Variants in E2F8 observed in about 807,000 individuals in gnomAD.
E2F8 encodes the protein transcription factor E2F8.
A neutral mutation model predicts 80.8 loss-of-function variants in E2F8; 35 were observed. That is an observed-to-expected ratio of 0.43 (90% CI 0.33 to 0.57). The LOEUF (loss-of-function observed/expected upper bound fraction) is 0.57. E2F8 is among the 20% of genes least tolerant of loss of function. E2F8 has a pLI of 0.04. For synonymous variants in E2F8, 386 were observed against 395.0 expected (o/e 0.98, Z 0.27); for missense variants, 975 against 1,056.2 (o/e 0.92, Z 1.07).
chr11:19,231,083 G>GTGTAA (rs1851368684), intron 7 of E2F8, among the ~76,000 whole-genome samples: 1 of 152,156 alleles, frequency 6.6e-6, no homozygotes, highest in Non-Finnish European at 1.5e-5. Context: ...CTAGAGTGTA[G>GTGTAA]TTATTAGTGA....
Position 19,229,578 on chromosome 11 carries a change from C to T in E2F8, c.1769G>A (p.Gly590Glu), listed in dbSNP as rs1318640582. The T allele has an allele frequency of 1.9e-6, 3 of 1,614,214 alleles. No homozygotes were observed. The Admixed American group carries it at 5.0e-5, about 27-fold the overall frequency. ...TGGCTCCCTGGTTCGGCTCTTTGCC[C>T]CTTGCCTCTCTGGTGCTGGCAGCAA... ...GSLLPAPERQ[G>E]AKSRTREPAG... Residue 590 changes from glycine (G) to glutamate (E), a missense_variant, in exon 10 of 13, where the codon GGG becomes GAG. Gly to Glu is a moderately conservative substitution (Grantham distance 98). Transcript: ENST00000250024. This position sits in a 1 kb window ranked among gnomAD's most constrained non-coding sequence, Gnocchi z 4.3.
chr11:19,227,479 A>G (rs1168133658), intron 10 of E2F8, among the ~76,000 whole-genome samples: 3 of 152,200 alleles, frequency 2.0e-5, no homozygotes, highest in Non-Finnish European at 4.4e-5. Context: ...TAAATTTCCA[A>G]CAAACTATAT....
At chr11:19,226,299 C>T (rs1347391245) in intron 10 of E2F8, among the ~76,000 whole-genome samples, 1 of 152,206 alleles carries the variant, frequency 6.6e-6, no homozygotes, top group African/African-American at 2.4e-5. Context: ...TGCAAACAGG[C>T]ATTACCTGAT....
At chr11:19,237,160 T>C (rs112634878) in intron 4 of E2F8, among the ~76,000 whole-genome samples, 154 bp downstream of exon 4, 1 of 152,354 alleles carries the variant, frequency 6.6e-6, no homozygotes, top group African/African-American at 2.4e-5. Context: ...CCTTCATTCT[T>C]ATATTAGAAG....
At chr11:19,234,684 C>G in intron 5 of E2F8, 60 bp downstream of exon 5, 4 of 1,553,766 alleles carry the variant, frequency 2.6e-6, no homozygotes, top group Non-Finnish European at 3.5e-6. Context: ...TCCACAGAAC[C>G]TTTTCCTTAG....
intron 4 of E2F8, among the ~76,000 whole-genome samples, chr11:19,236,124 C>T: frequency 6.6e-6 from 1 of 152,184 alleles, no homozygotes; most frequent in Non-Finnish European, 1.5e-5. Flanking sequence ...AGGGTGCATC[C>T]TACCGACCTC....
At chr11:19,235,599 A>C (rs1851495513) in intron 4 of E2F8, among the ~76,000 whole-genome samples, 1 of 152,156 alleles carries the variant, frequency 6.6e-6, no homozygotes, top group Non-Finnish European at 1.5e-5. Context: ...CAGTGAGCCT[A>C]GATCGCGCCA....
intron 5 of E2F8, 74 bp from the exon 6 acceptor site, chr11:19,234,595 A>G: frequency 6.4e-7 from 1 of 1,573,814 alleles, no homozygotes; most frequent in South Asian, 1.2e-5. Flanking sequence ...ACAAGGCTAA[A>G]AATACTACCA....
chr11:19,230,432 C>A (rs187651949), intron 8 of E2F8, 104 bp from the exon 9 acceptor site: 4 of 1,267,656 alleles, frequency 3.2e-6, no homozygotes, highest in East Asian at 2.4e-5. Flanking sequence ...GTGCACCTCC[C>A]CTCAAAGTTG....
In E2F8 at chr11:19,229,691, A is replaced by G. The variant is rs1293900466; in HGVS notation, c.1656T>C (p.Ala552=). 6.2e-7 allele frequency: 1 copy of G among 1,614,128 alleles called. No individual in the cohort carries two copies. Among genetic ancestry groups the G allele is most frequent in the Admixed American group, 1.7e-5 (1 of 60,024 alleles). Residue 552 remains alanine (A), a synonymous_variant, in exon 10 of 13, where the codon GCT becomes GCC. Coordinates refer to ENST00000250024, the MANE Select transcript of E2F8 (RefSeq NM_024680.4). The surrounding 1 kb of genome is among the most constrained non-coding windows in gnomAD (Gnocchi z 4.3). ...CATCTGTGGAGTCTTTTGAGCCAGT[A>G]GCTTTAGAAGAGTGGGTGGTGCACA... ...PTVCTTHSSK[A]TGSKDSTDAT... is the part of the protein sequence containing the mutation.
In E2F8 at chr11:19,224,399, A is replaced by G. The variant is rs1378644068; in HGVS notation, c.*259T>C. The G allele has an allele frequency of 6.4e-6, 2 of 313,360 alleles. No individual in the cohort carries two copies. The highest frequency in any genetic ancestry group is 2.1e-5 in the African/African-American group (1 of 46,730). The allele number at this position is 313,360 out of a possible 1,614,324, so 19.4% of individuals were successfully genotyped here. ...TGGATTTTTCCCCCTAGAAGTTAAT[A>G]TATCTTAGAGTTCAACATTTTACTT... On this transcript the variant is annotated 3_prime_UTR_variant, in exon 13 of 13. Coordinates refer to ENST00000250024, the MANE Select transcript of E2F8 (RefSeq NM_024680.4).
intron 2 of E2F8, 64 bp from the exon 3 acceptor site, chr11:19,238,196 T>G: frequency 6.7e-7 from 1 of 1,493,614 alleles, no homozygotes. Flanking sequence ...CAGCTTGGAT[T>G]CTAGAAATTG....
Position 19,234,851 on chromosome 11 carries a change from A to G in E2F8, c.659T>C (p.Phe220Ser). 1 of 1,614,178 alleles carries G rather than the reference A, an allele frequency of 6.2e-7. No individual in the cohort carries two copies. Among genetic ancestry groups the G allele is most frequent in the South Asian group, 1.1e-5 (1 of 91,076 alleles). The change falls in exon 5 of 13, where the codon TTT (phenylalanine) becomes TCT (serine). Residue 220 changes from phenylalanine to serine, a missense_variant. Physicochemically the swap from Phe to Ser is radical, Grantham distance 155. Coordinates refer to ENST00000250024, the MANE Select transcript of E2F8 (RefSeq NM_024680.4). ...ATCCTCTATACTGTAACTCTTAATA[A>G]AGTCAAACTCTTGCTCATATTCTTT... ...KKKEYEQEFDFIKSYSIEDHI... is the reference protein window; with the variant it reads ...KKKEYEQEFDSIKSYSIEDHI...
Position 19,232,385 on chromosome 11 carries a change from T to C in E2F8, c.929-14A>G. On this transcript the variant is annotated splice_polypyrimidine_tract_variant and intron_variant, in intron 6 of 12. Coordinates refer to ENST00000250024, the MANE Select transcript of E2F8 (RefSeq NM_024680.4). ...TCCTAATTTTTGCTGGGAAAAAAAG[T>C]ATATATACCACTTAATGGAATAATG... is the stretch of plus-strand genomic sequence containing the variant. 6.2e-7 allele frequency: 1 copy of C among 1,602,570 alleles called. No individual in the cohort carries two copies. Among genetic ancestry groups the C allele is most frequent in the Non-Finnish European group, 8.5e-7 (1 of 1,173,462 alleles).
Position 19,237,510 on chromosome 11 carries a change from A to C in E2F8, c.295-40T>G, listed in dbSNP as rs1851549765. 4 of 1,594,416 alleles carry C rather than the reference A, an allele frequency of 2.5e-6. No individual in the cohort carries two copies. The East Asian group carries it at 6.7e-5, about 27-fold the overall frequency. Reference sequence around the variant, plus strand: ...GTAAACAATGTCTTATTCTAAAATAAAGTCTGACAGATTTATTAGGGGCAT... The same window carrying C: ...GTAAACAATGTCTTATTCTAAAATACAGTCTGACAGATTTATTAGGGGCAT... On this transcript the variant is annotated intron_variant, in intron 3 of 12. Coordinates refer to ENST00000250024, the MANE Select transcript of E2F8 (RefSeq NM_024680.4).
intron 4 of E2F8, among the ~76,000 whole-genome samples, chr11:19,235,739 GCAAACCA>G (rs904561529): frequency 6.6e-6 from 1 of 151,572 alleles, no homozygotes; most frequent in African/African-American, 2.4e-5. Flanking sequence ...CTAGCAAGTA[GCAAACCA>G]AGTCTTTAAA....
Position 19,230,716 on chromosome 11 carries a change from T to A in E2F8, c.1185A>T (p.Pro395=), listed in dbSNP as rs3740966. 1,506 of 1,614,156 alleles carry A rather than the reference T, an allele frequency of 9.3e-4. 12 individuals are homozygous for A. In the East Asian group the frequency reaches 0.018, roughly 20 times the overall value. ...TACTCTTTACCAATTTGATAAGAGA[T>A]GGGTGTCGAGTAAAGTTTGGTTTCC... The part of the protein sequence containing the change: ...TRGKPNFTRH[P]SLIKLVKSIE... The change falls in exon 8 of 13, where the codon CCA becomes CCT. Residue 395 remains proline, a synonymous_variant. Coordinates refer to ENST00000250024, the MANE Select transcript of E2F8 (RefSeq NM_024680.4).
intron 2 of E2F8, 98 bp from the exon 3 acceptor site, chr11:19,238,230 G>A: frequency 8.1e-7 from 1 of 1,238,214 alleles, no homozygotes; most frequent in Non-Finnish European, 1.1e-6. Context: ...ATCATGCCAA[G>A]GAAAAAATGT....
At chr11:19,226,785 C>T (rs1044089224) in intron 10 of E2F8, among the ~76,000 whole-genome samples, 2 of 152,182 alleles carry the variant, frequency 1.3e-5, no homozygotes, top group Non-Finnish European at 2.9e-5. Flanking sequence ...GTAAAGATTT[C>T]TTTCTAGTAC....
Sources: gnomAD v4.1 joint callset for allele counts (sites outside exome capture counted in the v4.1 genomes callset) on GRCh38, gnomAD v4.1.1 for gene constraint, Gnocchi (gnomAD v3.1) non-coding constraint, MANE v1.5 for transcripts, NCBI Gene and HGNC (gene_info 2026-07-23, HGNC 2026-07-21) for gene names.